The following LOC400499 variants were observed in gnomAD, a reference collection of about 807,000 sequenced individuals.
chr16:11,375,410 T>G, the LOC400499 span, among the ~76,000 whole-genome samples: 2 of 139,856 alleles, frequency 1.4e-5, no homozygotes, highest in Admixed American at 7.1e-5. Flanking sequence ...GCCTCCCGTG[T>G]TCAAGCAATT....
the LOC400499 span, among the ~76,000 whole-genome samples, chr16:11,423,801 A>T: frequency 6.6e-6 from 1 of 152,136 alleles, no homozygotes; most frequent in Non-Finnish European, 1.5e-5. Flanking sequence ...TACCATCTTC[A>T]TTCTACCAGA....
the LOC400499 span, chr16:11,393,505 T>C: frequency 1.6e-6 from 2 of 1,232,238 alleles, no homozygotes; most frequent in South Asian, 8.2e-5. Flanking sequence ...CTTTGAGAAG[T>C]CGAGGTGGAG....
the LOC400499 span, among the ~76,000 whole-genome samples, chr16:11,416,352 G>A: frequency 3.3e-5 from 5 of 152,124 alleles, no homozygotes; most frequent in Admixed American, 1.3e-4. Context: ...TAATCTATAT[G>A]GGGGTCAGAG....
the LOC400499 span, among the ~76,000 whole-genome samples, chr16:11,453,508 T>C: frequency 3.9e-5 from 6 of 151,908 alleles, no homozygotes; most frequent in East Asian, 1.9e-4. Flanking sequence ...GAGAAGACAA[T>C]TGCATTCATG....
At chr16:11,447,920 A>AG in the LOC400499 span, 1 of 1,531,880 alleles carries the variant, frequency 6.5e-7, no homozygotes, top group South Asian at 1.2e-5. Context: ...GCTGAGCAGA[A>AG]GGGGCGCACA....
At chr16:11,373,087 C>T in the LOC400499 span, among the ~76,000 whole-genome samples, 2 of 152,336 alleles carry the variant, frequency 1.3e-5, no homozygotes, top group South Asian at 2.1e-4. Flanking sequence ...AAGGGGAGGG[C>T]GGAACCTTAG....
the LOC400499 span, among the ~76,000 whole-genome samples, chr16:11,427,349 A>AC: frequency 8.6e-6 from 1 of 115,852 alleles, no homozygotes; most frequent in Admixed American, 8.2e-5. Context: ...ACTCCATCTC[A>AC]CAAAAAAAAA....
chr16:11,411,023 T>G, the LOC400499 span, among the ~76,000 whole-genome samples: 1 of 152,246 alleles, frequency 6.6e-6, no homozygotes, highest in Non-Finnish European at 1.5e-5. Context: ...CCAAAGGGCT[T>G]GTGAGCCTGA....
At chr16:11,479,567 G>A in the LOC400499 span, among the ~76,000 whole-genome samples, 11 of 152,118 alleles carry the variant, frequency 7.2e-5, no homozygotes, top group Non-Finnish European at 1.5e-4. Flanking sequence ...AGGCTGTAGC[G>A]AGCTATGATC....
the LOC400499 span, chr16:11,475,728 A>G: frequency 5.0e-6 from 2 of 398,838 alleles, no homozygotes; most frequent in Non-Finnish European, 8.8e-6. Context: ...GGGTGGGGAA[A>G]GAGGACAGTG....
the LOC400499 span, chr16:11,392,585 C>G: frequency 4.9e-6 from 2 of 408,766 alleles, no homozygotes; most frequent in African/African-American, 4.1e-5. Context: ...TAGCTCCCCA[C>G]TGCCCCAGGC....
chr16:11,486,756 GTGGA>G, the LOC400499 span, among the ~76,000 whole-genome samples: 16,023 of 45,142 alleles, frequency 0.35, 4,337 homozygotes, highest in African/African-American at 0.72. Flanking sequence ...GGGTGGGTGG[GTGGA>G]TGGATGAATG....
At chr16:11,446,782 G>A in the LOC400499 span, 62 of 1,536,094 alleles carry the variant, frequency 4.0e-5, no homozygotes, top group African/African-American at 6.8e-4. Context: ...CAGGACCATG[G>A]TCTGCAGGGT....
chr16:11,476,217 G>A, the LOC400499 span, among the ~76,000 whole-genome samples: 3 of 151,960 alleles, frequency 2.0e-5, no homozygotes, highest in Admixed American at 6.6e-5. Context: ...GAGGGAGATG[G>A]GCAGAGTCCC....
the LOC400499 span, among the ~76,000 whole-genome samples, chr16:11,507,111 G>A: frequency 6.6e-6 from 1 of 152,218 alleles, no homozygotes; most frequent in Non-Finnish European, 1.5e-5. Context: ...CCCCTGCCAG[G>A]GGAAATGTCC....
chr16:11,412,495 A>C, the LOC400499 span, among the ~76,000 whole-genome samples: 1 of 152,188 alleles, frequency 6.6e-6, no homozygotes, highest in Non-Finnish European at 1.5e-5. Flanking sequence ...TGAGGGCTAG[A>C]GCCTGGCTGG....
the LOC400499 span, among the ~76,000 whole-genome samples, chr16:11,450,083 G>A: frequency 6.6e-6 from 1 of 152,178 alleles, no homozygotes; most frequent in Non-Finnish European, 1.5e-5. Flanking sequence ...GGACTGTGCT[G>A]CCCTCGGATG....
chr16:11,417,006 G>C, the LOC400499 span, among the ~76,000 whole-genome samples: 11 of 152,220 alleles, frequency 7.2e-5, no homozygotes, highest in African/African-American at 2.4e-4. Context: ...CAGCTTGCCT[G>C]GCATGTATGC....
At chr16:11,436,528 G>A in the LOC400499 span, among the ~76,000 whole-genome samples, 4 of 152,258 alleles carry the variant, frequency 2.6e-5, no homozygotes, top group African/African-American at 7.2e-5. Context: ...CTGCAAAGCA[G>A]GTTTAGCCCC....
Sources: gnomAD v4.1 joint callset for allele counts (sites outside exome capture counted in the v4.1 genomes callset) on GRCh38, gnomAD v4.1.1 for gene constraint, MANE v1.5 for transcripts.